The following MTMR14 variants were observed in gnomAD, a reference collection of about 807,000 sequenced individuals.
MTMR14 encodes myotubularin related protein 14.
Under a neutral mutation model 86.3 loss-of-function variants are expected in MTMR14, and 48 were observed. The ratio of observed to expected loss-of-function variants is 0.56; its 90% confidence interval spans 0.44 to 0.71. The LOEUF is 0.71. MTMR14 is among the 30% of genes least tolerant of loss of function. The probability of loss-of-function intolerance (pLI) is 0.00; values close to 1 mark genes in which losing one functional copy is unlikely to be tolerated. For missense variants in MTMR14, 780 were observed against 834.6 expected (o/e 0.93, Z 0.81); for synonymous variants, 366 against 326.1 (o/e 1.12, Z -1.32).
Position 9,649,542 on chromosome 3 carries a change from T to A in MTMR14, c.-42T>A. 6.6e-7 allele frequency: 1 copy of A among 1,517,570 alleles called. No homozygotes were observed. The highest frequency in any genetic ancestry group is 8.8e-7 in the Non-Finnish European group (1 of 1,134,696). The allele number at this position is 1,517,570 out of a possible 1,614,324, so 94.0% of individuals were successfully genotyped here. On this transcript the variant is annotated 5_prime_UTR_variant, in exon 1 of 19. The change abolishes an upstream ATG in the 5' untranslated region. Transcript: ENST00000296003. ...CGGAGTTGGGTGCAGGCAGGTGCCA[T>A]GGGCCCGCTTGAGGCACACTGAGGG...
At chr3:9,665,326 A>G (rs1041264006) in intron 3 of MTMR14, among the ~76,000 whole-genome samples, 6 of 152,022 alleles carry the variant, frequency 3.9e-5, no homozygotes. Flanking sequence ...AAGTAAATAC[A>G]TGTACCCACA....
At chr3:9,679,501 A>G (rs1234795022) in intron 9 of MTMR14, among the ~76,000 whole-genome samples, 1 of 152,150 alleles carries the variant, frequency 6.6e-6, no homozygotes, top group Non-Finnish European at 1.5e-5. Context: ...CTACTCAGCA[A>G]ATGAGATGTG....
intron 2 of MTMR14, among the ~76,000 whole-genome samples, chr3:9,660,801 T>C (rs1257859695): frequency 6.6e-6 from 1 of 152,198 alleles, no homozygotes; most frequent in Non-Finnish European, 1.5e-5. Context: ...TCAACACTTT[T>C]AAGGAAGGAA....
rs1324039123 is a variant in MTMR14, at chr3:9,677,157, C to T, written c.752-160C>T. On this transcript the variant is annotated intron_variant, in intron 7 of 18. Transcript: ENST00000296003. This position sits in a 1 kb window ranked among gnomAD's most constrained non-coding sequence, Gnocchi z 4.2. ...TAGAGGCTCGCCCCTGGCTTTTGCC[C>T]ACCCGTGTCAGCCTTGGCCTCACTG... 6.6e-6 allele frequency among the ~76,000 whole-genome samples: 1 copy of T among 152,224 alleles called. No homozygotes were observed. The highest frequency in any genetic ancestry group is 1.5e-5 in the Non-Finnish European group (1 of 68,040).
chr3:9,666,016 C>T (rs972032435), intron 3 of MTMR14, among the ~76,000 whole-genome samples: 1 of 151,916 alleles, frequency 6.6e-6, no homozygotes, highest in Non-Finnish European at 1.5e-5. Flanking sequence ...CGTGACCCAC[C>T]GTGCCCGGCC....
chr3:9,657,954 ACT>A (rs1360468975), intron 2 of MTMR14, among the ~76,000 whole-genome samples: 3 of 151,818 alleles, frequency 2.0e-5, no homozygotes, highest in Non-Finnish European at 4.4e-5. Context: ...GTATTTCCTG[ACT>A]CTGTACCTGT....
At chr3:9,688,537 A>G (rs2076035468) in intron 14 of MTMR14, among the ~76,000 whole-genome samples, 159 bp from the exon 15 acceptor site, 1 of 152,168 alleles carries the variant, frequency 6.6e-6, no homozygotes, top group South Asian at 2.1e-4. Context: ...TGGGTCCCAG[A>G]AGTGGCCCTG....
chr3:9,650,553 C>T, intron 1 of MTMR14: 1 of 342,796 alleles, frequency 2.9e-6, no homozygotes, highest in South Asian at 2.1e-5. Context: ...CTGTAGTTGG[C>T]ATCTTGTAGT....
At position 9,649,506 on chromosome 3, in the gene MTMR14, G is replaced by A. The variant is rs1051442464; in HGVS notation, c.-78G>A. On this transcript the variant is annotated 5_prime_UTR_variant, in exon 1 of 19. Transcript: ENST00000296003. ...AGGCGGTGGCTGAGGCGGTTCCGGA[G>A]GTTCTAGTGTCGGAGTTGGGTGCAG... 6.8e-7 allele frequency: 1 copy of A among 1,474,394 alleles called. No individual in the cohort carries two copies. Among genetic ancestry groups the A allele is most frequent in the African/African-American group, 1.4e-5 (1 of 70,658 alleles). 91.3% of individuals were successfully genotyped at this position (1,474,394 alleles called of 1,614,324 possible). A position where few individuals can be genotyped will look rare whatever the true frequency, so the allele number is the denominator to read the frequency against.
rs375289936 is a variant in MTMR14, at chr3:9,682,602, C to T, written c.898-576C>T. On this transcript the variant is annotated intron_variant, in intron 9 of 18. Coordinates refer to ENST00000296003, the MANE Select transcript of MTMR14 (RefSeq NM_001077525.3). Reference sequence around the variant, plus strand: ...TTCCATCTCCCACCTCATGGGCCTCCTTTTTTAAAAGACTTTCCCTGCCAG... The same window carrying T: ...TTCCATCTCCCACCTCATGGGCCTCTTTTTTTAAAAGACTTTCCCTGCCAG... Among the ~76,000 whole-genome samples the T allele has an allele frequency of 9.2e-5, 14 of 152,304 alleles. No individual in the cohort carries two copies. The East Asian group carries it at 2.3e-3, about 25-fold the overall frequency.
intron 2 of MTMR14, among the ~76,000 whole-genome samples, chr3:9,656,953 C>T (rs2047642138): frequency 1.3e-5 from 2 of 151,958 alleles, no homozygotes; most frequent in Admixed American, 1.3e-4. Context: ...TTAATTAAGA[C>T]GGGGTCTGGA....
chr3:9,684,221 C>T (rs2075861860), intron 10 of MTMR14, among the ~76,000 whole-genome samples: 1 of 152,148 alleles, frequency 6.6e-6, no homozygotes, highest in Non-Finnish European at 1.5e-5. Flanking sequence ...CAGCCCTGCA[C>T]ACTGAAAAAT....
intron 4 of MTMR14, 116 bp downstream of exon 4, chr3:9,668,910 C>A: frequency 9.5e-7 from 1 of 1,047,542 alleles, no homozygotes; most frequent in Middle Eastern, 2.8e-4. Flanking sequence ...GAGGCCAAGG[C>A]GAGCGGATCC....
chr3:9,673,547 C>T (rs918810971), intron 7 of MTMR14, among the ~76,000 whole-genome samples: 2 of 152,216 alleles, frequency 1.3e-5, no homozygotes, highest in African/African-American at 2.4e-5. Flanking sequence ...CTTAAAACCT[C>T]TCTCCTATTT....
intron 2 of MTMR14, among the ~76,000 whole-genome samples, chr3:9,659,039 G>A (rs532985801): frequency 2.0e-5 from 3 of 152,292 alleles, no homozygotes; most frequent in African/African-American, 7.2e-5. Flanking sequence ...GAATTAAACA[G>A]TCTGGGCAAC....
intron 1 of MTMR14, among the ~76,000 whole-genome samples, chr3:9,650,701 G>A (rs2047229489): frequency 6.6e-6 from 1 of 151,992 alleles, no homozygotes; most frequent in South Asian, 2.1e-4. Context: ...TTGTGCTTAT[G>A]GGATACTTTG....
In MTMR14 at chr3:9,688,956, G is replaced by A. The variant is rs752231256; in HGVS notation, c.1307G>A (p.Arg436His). 16 of 1,613,910 alleles carry A rather than the reference G, an allele frequency of 9.9e-6. No individual in the cohort carries two copies. Among genetic ancestry groups the A allele is most frequent in the East Asian group, 2.2e-5 (1 of 44,894 alleles). ...EDICMLRRKD[R>H]GSTTSLGSDF... ...TGGCTTCTTTTAGGACGAAAGGACC[G>A]TGGCAGCACCACCAGCCTTGGCAGC... Residue 436 changes from arginine to histidine, a missense_variant, in exon 16 of 19, where the codon CGT becomes CAT. By Grantham distance (29) the Arg-to-His change is conservative. Transcript: ENST00000296003.
chr3:9,653,304 G>A (rs2047412313), intron 1 of MTMR14, among the ~76,000 whole-genome samples: 1 of 152,312 alleles, frequency 6.6e-6, no homozygotes, highest in African/African-American at 2.4e-5. Context: ...TCAGTAACCT[G>A]GACCAAGAGT....
intron 17 of MTMR14, among the ~76,000 whole-genome samples, chr3:9,696,155 C>G (rs1457033912): frequency 6.6e-6 from 1 of 152,280 alleles, no homozygotes; most frequent in East Asian, 1.9e-4. Context: ...TTCCCTGGTC[C>G]CAAGGTGGTT....
Sources: gnomAD v4.1 joint callset for allele counts (sites outside exome capture counted in the v4.1 genomes callset) on GRCh38, gnomAD v4.1.1 for gene constraint, Gnocchi (gnomAD v3.1) non-coding constraint, MANE v1.5 for transcripts, NCBI Gene and HGNC (gene_info 2026-07-23, HGNC 2026-07-21) for gene names.